GLP1R: variants seen among roughly 807,000 people sequenced by gnomAD.
GLP1R encodes the protein glucagon-like peptide 1 receptor.
GLP1R carries 32 observed loss-of-function variants against 68.4 expected under a neutral mutation model. That is an observed-to-expected ratio of 0.47 (90% CI 0.35 to 0.63). The LOEUF (loss-of-function observed/expected upper bound fraction) is 0.63. Among genes scored for constraint, GLP1R ranks in the 20% least tolerant of loss-of-function variants. GLP1R has a pLI of 0.00. For missense variants in GLP1R, 502 were observed against 594.9 expected, an observed-to-expected ratio of 0.84 and a Z score of 1.62; for synonymous variants, 263 against 244.4, an observed-to-expected ratio of 1.08 and a Z score of -0.71.
At chr6:39,077,753 T>C (rs1028885477) in intron 7 of GLP1R, among the ~76,000 whole-genome samples, 2 of 152,070 alleles carry the variant, frequency 1.3e-5, no homozygotes, top group Non-Finnish European at 2.9e-5. Context: ...GCTGTTGTTA[T>C]TGTAGGCCAC....
rs963433229 is a variant in GLP1R at position 39,049,900 on chromosome 6, A to G, written c.78+982A>G. Among the ~76,000 whole-genome samples, 1 of 152,154 alleles carries G rather than the reference A, an allele frequency of 6.6e-6. No individual in the cohort carries two copies. Among genetic ancestry groups the G allele is most frequent in the Non-Finnish European group, 1.5e-5 (1 of 68,014 alleles). On this transcript the variant is annotated intron_variant, in intron 1 of 12. Transcript: ENST00000373256. The surrounding 1 kb of genome is among the most constrained non-coding windows in gnomAD (Gnocchi z 4.5). ...GGTGGCCTGTCCTGGGTCAGGAAACAGGTTCTTCCTATCACCTCCCACTGC... is the reference window on the plus strand; with the variant it reads ...GGTGGCCTGTCCTGGGTCAGGAAACGGGTTCTTCCTATCACCTCCCACTGC...
chr6:39,054,317 G>T (rs941931141), intron 1 of GLP1R, among the ~76,000 whole-genome samples: 1 of 152,078 alleles, frequency 6.6e-6, no homozygotes. Context: ...GGAGAGGCCA[G>T]AAGTCTGGGT....
intron 5 of GLP1R, 121 bp downstream of exon 5, chr6:39,066,424 C>G: frequency 4.8e-6 from 3 of 620,290 alleles, no homozygotes; most frequent in Non-Finnish European, 8.6e-6. Context: ...CTCTCAAGAG[C>G]TCTCTACAGA....
At chr6:39,066,500 A>G (rs1768522453) in intron 5 of GLP1R, among the ~76,000 whole-genome samples, 197 bp downstream of exon 5, 1 of 152,226 alleles carries the variant, frequency 6.6e-6, no homozygotes, top group Non-Finnish European at 1.5e-5. Context: ...TCTAGTCTCC[A>G]CGGTGTAAAA....
chr6:39,059,809 C>T (rs1172452832), intron 3 of GLP1R, among the ~76,000 whole-genome samples: 1 of 152,174 alleles, frequency 6.6e-6, no homozygotes, highest in Non-Finnish European at 1.5e-5. Flanking sequence ...CAGGGCCCAT[C>T]ACTCAGCACT....
Position 39,056,444 on chromosome 6 carries a change from C to A in GLP1R, c.126C>A (p.Tyr42Ter). ...AGACGGTGCAGAAATGGCGAGAATA[C>A]CGACGCCAGTGCCAGCGCTCCCTGA... ...LWETVQKWRE[Y>*]RRQCQRSLTE... The change falls in exon 2 of 13, where the codon TAC becomes TAA. Residue 42 changes from tyrosine to a stop codon, truncating the protein, a stop_gained. Coordinates refer to ENST00000373256, the MANE Select transcript of GLP1R (RefSeq NM_002062.5). LOFTEE classifies it high-confidence loss of function. 6.2e-7 allele frequency: 1 copy of A among 1,610,438 alleles called. No homozygotes were observed. The highest frequency in any genetic ancestry group is 8.5e-7 in the Non-Finnish European group (1 of 1,176,678).
rs1469362427 is a variant in GLP1R at position 39,090,727 on chromosome 6, T to C, written c.*4654T>C. On this transcript the variant is annotated 3_prime_UTR_variant, in exon 13 of 13. Coordinates refer to ENST00000373256, the MANE Select transcript of GLP1R (RefSeq NM_002062.5). ...TAGACAATGTAGCATGACTAATTAT[T>C]GCTGTGTCAAAGCAATTCAGGACAA... Among the ~76,000 whole-genome samples the C allele has an allele frequency of 2.0e-5, 3 of 152,218 alleles. No homozygotes were observed. Among genetic ancestry groups the C allele is most frequent in the Admixed American group, 6.5e-5 (1 of 15,288 alleles).
Position 39,086,878 on chromosome 6 carries a change from A to G in GLP1R, c.*805A>G, listed in dbSNP as rs960051199. On this transcript the variant is annotated 3_prime_UTR_variant, in exon 13 of 13. Coordinates refer to ENST00000373256, the MANE Select transcript of GLP1R (RefSeq NM_002062.5). This position sits in a 1 kb window ranked among gnomAD's most constrained non-coding sequence, Gnocchi z 4.5. ...GCCAAGTCTATTTTAAAGACGCTCA[A>G]GAATCCTCTGGGGTTCATCTAGGGA... 1.3e-5 allele frequency: 2 copies of G among 152,640 alleles called. No individual in the cohort carries two copies. Among genetic ancestry groups the G allele is most frequent in the Non-Finnish European group, 2.9e-5 (2 of 68,040 alleles). The allele number at this position is 152,640 out of a possible 1,614,324, so 9.5% of individuals were successfully genotyped here.
intron 1 of GLP1R, among the ~76,000 whole-genome samples, chr6:39,056,004 C>A (rs1029362399): frequency 1.8e-4 from 27 of 152,212 alleles, no homozygotes; most frequent in African/African-American, 6.0e-4. Context: ...AGCCCTCAGG[C>A]AGGCTGACTA....
At chr6:39,066,572 C>T (rs1583629399) in intron 5 of GLP1R, among the ~76,000 whole-genome samples, 2 of 152,346 alleles carry the variant, frequency 1.3e-5, no homozygotes, top group Middle Eastern at 6.8e-3. Context: ...ACCTCAAAAC[C>T]TTAACCGTCG....
chr6:39,061,036 C>G (rs1199158987), intron 3 of GLP1R, among the ~76,000 whole-genome samples: 2 of 152,166 alleles, frequency 1.3e-5, no homozygotes, highest in African/African-American at 4.8e-5. Flanking sequence ...CAGGCAGATG[C>G]AGAAGGGAAA....
intron 3 of GLP1R, among the ~76,000 whole-genome samples, chr6:39,065,327 G>A (rs1236969551): frequency 1.3e-5 from 2 of 152,210 alleles, no homozygotes; most frequent in African/African-American, 2.4e-5. Context: ...GCTGGTCGGT[G>A]CCAGACCTTG....
At chr6:39,061,055 C>T (rs1342244140) in intron 3 of GLP1R, among the ~76,000 whole-genome samples, 1 of 152,204 alleles carries the variant, frequency 6.6e-6, no homozygotes, top group Non-Finnish European at 1.5e-5. Context: ...AAAGGAAGCT[C>T]CTCCAAGGAA....
At chr6:39,083,322 C>T (rs1769058028) in intron 12 of GLP1R, among the ~76,000 whole-genome samples, 1 of 152,230 alleles carries the variant, frequency 6.6e-6, no homozygotes, top group African/African-American at 2.4e-5. Flanking sequence ...ATCATTGTCA[C>T]TGGGCCACAA....
chr6:39,052,683 T>C (rs1768113783), intron 1 of GLP1R, among the ~76,000 whole-genome samples: 2 of 152,200 alleles, frequency 1.3e-5, no homozygotes, highest in Admixed American at 1.3e-4. Flanking sequence ...TCTGCTGTCC[T>C]TCCTTCCAAC....
chr6:39,053,482 G>C (rs955231848), intron 1 of GLP1R, among the ~76,000 whole-genome samples: 2 of 152,190 alleles, frequency 1.3e-5, no homozygotes, highest in Non-Finnish European at 1.5e-5. Context: ...AAGTGAGGAA[G>C]GGGTGGGGCC....
chr6:39,069,015 T>C (rs1321956806), intron 5 of GLP1R, among the ~76,000 whole-genome samples: 2 of 152,234 alleles, frequency 1.3e-5, no homozygotes, highest in Non-Finnish European at 2.9e-5. Flanking sequence ...CTCTTTTGAT[T>C]ATAAATTTCA....
At chr6:39,081,715 G>T (rs1769017299) in intron 12 of GLP1R, among the ~76,000 whole-genome samples, 1 of 152,228 alleles carries the variant, frequency 6.6e-6, no homozygotes, top group African/African-American at 2.4e-5. Context: ...GCTCAAAGAA[G>T]CAATGTGATG....
At chr6:39,059,987 AC>A (rs1290419783) in intron 3 of GLP1R, among the ~76,000 whole-genome samples, 1 of 151,026 alleles carries the variant, frequency 6.6e-6, no homozygotes, top group African/African-American at 2.4e-5. Context: ...CCTTTCCCCA[AC>A]CCCGTCCCCC....
Sources: gnomAD v4.1 joint callset for allele counts (sites outside exome capture counted in the v4.1 genomes callset) on GRCh38, gnomAD v4.1.1 for gene constraint, Gnocchi (gnomAD v3.1) non-coding constraint, MANE v1.5 for transcripts, NCBI Gene and HGNC (gene_info 2026-07-23, HGNC 2026-07-21) for gene names.